PPIE: variants seen among roughly 807,000 people sequenced by gnomAD.
PPIE encodes the protein peptidylprolyl isomerase E, also known as peptidyl-prolyl cis-trans isomerase E.
Under a neutral mutation model 38.4 loss-of-function variants are expected in PPIE, and 20 were observed. That is an observed-to-expected ratio of 0.52 (90% CI 0.37 to 0.76). The LOEUF is 0.76. PPIE is among the 30% of genes least tolerant of loss of function. The pLI is 0.00. For missense variants in PPIE, 322 were observed against 385.8 expected (o/e 0.83, Z 1.39); for synonymous variants, 142 against 135.7 (o/e 1.05, Z -0.32).
chr1:39,741,344 T>C (rs777272742), intron 2 of PPIE, 22 bp from the exon 3 acceptor site: 1 of 1,612,576 alleles, frequency 6.2e-7, no homozygotes, highest in Admixed American at 1.7e-5. Flanking sequence ...TAATTACTTG[T>C]TTTTGTTTTT....
intron 7 of PPIE, chr1:39,747,946 T>C (rs1647307814): frequency 6.6e-6 from 1 of 152,212 alleles, no homozygotes; most frequent in Non-Finnish European, 1.5e-5. Flanking sequence ...TTTTGTTTTT[T>C]TTAAGAGACA....
chr1:39,752,176 G>C (rs1277554740), intron 8 of PPIE, among the ~76,000 whole-genome samples: 4 of 152,156 alleles, frequency 2.6e-5, no homozygotes, highest in Non-Finnish European at 5.9e-5. Context: ...GCCCTAAGCA[G>C]TCACACCCGG....
rs149451835 is a variant in PPIE, at chr1:39,745,400, G to A, written c.410G>A (p.Arg137His). The stretch of plus-strand genomic sequence containing the variant: ...GGAGAGCCCATTGCTAAAAAGGCCC[G>A]CTCAAATCCTCAGGTGTACATGGAC... ...QEGEPIAKKARSNPQVYMDIK... is the reference protein window; with the variant it reads ...QEGEPIAKKAHSNPQVYMDIK... The change falls in exon 7 of 10, where the codon CGC becomes CAC. Residue 137 changes from arginine (R) to histidine (H), a missense_variant. By Grantham distance (29) the Arg-to-His change is conservative. Coordinates refer to ENST00000324379, the MANE Select transcript of PPIE (RefSeq NM_006112.4). 1.6e-4 allele frequency: 254 copies of A among 1,614,078 alleles called. No individual in the cohort carries two copies. The highest frequency in any genetic ancestry group is 1.2e-3 in the Middle Eastern group (7 of 6,078).
intron 1 of PPIE, 104 bp from the exon 2 acceptor site, chr1:39,740,061 G>T: frequency 1.3e-6 from 1 of 785,840 alleles, no homozygotes; most frequent in South Asian, 1.7e-5. Context: ...CCAAAGAACT[G>T]AATGGAAGGG....
intron 7 of PPIE, 65 bp downstream of exon 7, chr1:39,745,563 T>G (rs1569661346): frequency 5.0e-6 from 8 of 1,607,274 alleles, no homozygotes; most frequent in Admixed American, 1.7e-5. Flanking sequence ...CTTTCCCAGG[T>G]TCTTACTGCT....
rs925307573 is a variant in PPIE, at chr1:39,755,254, A to T, written c.*1899A>T. On this transcript the variant is annotated 3_prime_UTR_variant, in exon 10 of 10. Coordinates refer to ENST00000324379, the MANE Select transcript of PPIE (RefSeq NM_006112.4). Reference sequence around the variant, plus strand: ...AGAATCCACTGAGCTGAGCTTTTGCATCTTGGATTGAGATCTGGATGAGCC... The same window carrying T: ...AGAATCCACTGAGCTGAGCTTTTGCTTCTTGGATTGAGATCTGGATGAGCC... 2.1e-5 allele frequency: 21 copies of T among 985,312 alleles called. No individual in the cohort carries two copies. Among genetic ancestry groups the T allele is most frequent in the Non-Finnish European group, 2.5e-5 (21 of 829,932 alleles). The allele number at this position is 985,312 out of a possible 1,614,324, so 61.0% of individuals were successfully genotyped here.
intron 8 of PPIE, among the ~76,000 whole-genome samples, chr1:39,751,779 T>C (rs1359993971): frequency 6.6e-6 from 1 of 152,066 alleles, no homozygotes; most frequent in Admixed American, 6.6e-5. Flanking sequence ...CCCACAATAT[T>C]TCAGACAGTC....
In PPIE at chr1:39,753,548, G is replaced by A. The variant is rs1647979944; in HGVS notation, c.*193G>A. On this transcript the variant is annotated 3_prime_UTR_variant, in exon 10 of 10. Transcript: ENST00000324379. ...CTGGACTATTCCCAGGCACAGCTGT[G>A]GGCCCAGGAGCCAGCTCAGGTGCTC... 1 of 1,399,200 alleles carries A rather than the reference G, an allele frequency of 7.1e-7. No individual in the cohort carries two copies. Among genetic ancestry groups the A allele is most frequent in the African/African-American group, 1.5e-5 (1 of 68,638 alleles). The allele number at this position is 1,399,200 out of a possible 1,614,324, so 86.7% of individuals were successfully genotyped here. A position where few individuals can be genotyped will look rare whatever the true frequency, so the allele number is the denominator to read the frequency against.
In PPIE at chr1:39,753,479, C is replaced by T. The variant is rs1647973856; in HGVS notation, c.*124C>T. ...AGCAAGCAGCATTTGGGATATGTGC[C>T]CTTCCTCAGGGTCTGCTTGGAGCAG... On this transcript the variant is annotated 3_prime_UTR_variant, in exon 10 of 10. Transcript: ENST00000324379. 1 of 1,492,476 alleles carries T rather than the reference C, an allele frequency of 6.7e-7. No homozygotes were observed. The highest frequency in any genetic ancestry group is 8.9e-7 in the Non-Finnish European group (1 of 1,122,260). 92.5% of individuals were successfully genotyped at this position (1,492,476 alleles called of 1,614,324 possible). A position where few individuals can be genotyped will look rare whatever the true frequency, so the allele number is the denominator to read the frequency against.
chr1:39,760,284 G>A, downstream of PPIE: 1 of 1,371,152 alleles, frequency 7.3e-7, no homozygotes, highest in Admixed American at 2.2e-5. Context: ...AAGGAGAAAG[G>A]GTCATGTACG....
At position 39,756,470 on chromosome 1, in the gene PPIE, C is replaced by G; in HGVS notation, c.*3115C>G. The G allele has an allele frequency of 6.1e-6, 6 of 985,454 alleles. No individual in the cohort carries two copies. Among genetic ancestry groups the G allele is most frequent in the Non-Finnish European group, 7.2e-6 (6 of 829,930 alleles). The allele number at this position is 985,454 out of a possible 1,614,324, so 61.0% of individuals were successfully genotyped here. ...GGCAGGCCCAGGATCAGTGCTGTGG[C>G]TGTTGGAGTGTCCTCTCCAACAGCA... On this transcript the variant is annotated 3_prime_UTR_variant, in exon 10 of 10. Coordinates refer to ENST00000324379, the MANE Select transcript of PPIE (RefSeq NM_006112.4).
chr1:39,745,514 T>C lies in PPIE; in HGVS notation c.508+16T>C. 1.2e-6 allele frequency: 2 copies of C among 1,614,202 alleles called. No individual in the cohort carries two copies. Among genetic ancestry groups the C allele is most frequent in the Non-Finnish European group, 1.7e-6 (2 of 1,180,018 alleles). ...ATGACAGCAGGTGAGCAGGACGCTG[T>C]GGTCAGAACGGCGGGACGCTGGTGG... On this transcript the variant is annotated intron_variant, in intron 7 of 9. Coordinates refer to ENST00000324379, the MANE Select transcript of PPIE (RefSeq NM_006112.4).
intron 8 of PPIE, 131 bp from the exon 9 acceptor site, chr1:39,752,779 G>A (rs1350243051): frequency 2.6e-5 from 27 of 1,020,858 alleles, no homozygotes; most frequent in Middle Eastern, 5.0e-4. Flanking sequence ...TAAGGTGGCC[G>A]CATTTGCATG....
At chr1:39,745,257 C>G in intron 6 of PPIE, 118 bp from the exon 7 acceptor site, 1 of 1,387,086 alleles carries the variant, frequency 7.2e-7, no homozygotes. Flanking sequence ...CCTTCCCCGT[C>G]AGCACTTGCT....
In PPIE at chr1:39,756,045, C is replaced by A; in HGVS notation, c.*2690C>A. On this transcript the variant is annotated 3_prime_UTR_variant, in exon 10 of 10. Coordinates refer to ENST00000324379, the MANE Select transcript of PPIE (RefSeq NM_006112.4). The stretch of plus-strand genomic sequence containing the variant: ...TGGCCAGGACCTGTGTGGAGAGACA[C>A]AGGAGACAAGACCCTGCTCTTCCAG... 2 of 985,376 alleles carry A rather than the reference C, an allele frequency of 2.0e-6. No homozygotes were observed. The highest frequency in any genetic ancestry group is 9.4e-5 in the South Asian group (2 of 21,288). The allele number at this position is 985,376 out of a possible 1,614,324, so 61.0% of individuals were successfully genotyped here.
chr1:39,749,013 A>G lies in PPIE; in HGVS notation c.619A>G (p.Asn207Asp). Reference sequence around the variant, plus strand: ...CCAGGGCGGTGATTTCACAAACCACAATGGCACTGGGGGCAAGTCCATCTA... The same window carrying G: ...CCAGGGCGGTGATTTCACAAACCACGATGGCACTGGGGGCAAGTCCATCTA... ...MCQGGDFTNH[N>D]GTGGKSIYGK... The change falls in exon 8 of 10, where the codon AAT (asparagine) becomes GAT (aspartate). Residue 207 changes from asparagine to aspartate, a missense_variant. Coordinates refer to ENST00000324379, the MANE Select transcript of PPIE (RefSeq NM_006112.4). 3.7e-6 allele frequency: 6 copies of G among 1,612,548 alleles called. No individual in the cohort carries two copies. Among genetic ancestry groups the G allele is most frequent in the Non-Finnish European group, 5.1e-6 (6 of 1,179,644 alleles).
intron 4 of PPIE, chr1:39,742,142 T>A: frequency 1.8e-6 from 1 of 541,358 alleles, no homozygotes. Flanking sequence ...TCATCCTTGT[T>A]GACCAGTCTC....
In PPIE at chr1:39,748,988, C is replaced by T. The variant is rs1647408146; in HGVS notation, c.594C>T (p.Cys198=). ...SFHRIIPQFM[C]QGGDFTNHNG... ...ACCGCATCATCCCCCAGTTCATGTG[C>T]CAGGGCGGTGATTTCACAAACCACA... The change falls in exon 8 of 10, where the codon TGC becomes TGT. Residue 198 remains cysteine, a synonymous_variant. Coordinates refer to ENST00000324379, the MANE Select transcript of PPIE (RefSeq NM_006112.4). 1 of 1,613,894 alleles carries T rather than the reference C, an allele frequency of 6.2e-7. No individual in the cohort carries two copies. The highest frequency in any genetic ancestry group is 1.7e-5 in the Admixed American group (1 of 59,988).
rs1647023815 is a variant in PPIE at position 39,740,216 on chromosome 1, CT to C, written c.87del (p.Phe29LeufsTer39). On this transcript the variant is annotated frameshift_variant, in exon 2 of 10. Transcript: ENST00000324379. LOFTEE classifies it high-confidence loss of function. Reference protein sequence around the residue: ...DDKVLHAAFIPFGDITDIQIP... With the variant: ...DDKVLHAAFIXFGDITDIQIP... ...AAAGTTCTTCATGCTGCGTTCATTC[CT>C]TTTGGAGACATCACAGATATTCAGA... The C allele has an allele frequency of 1.2e-6, 2 of 1,614,034 alleles. No homozygotes were observed.
Sources: allele counts gnomAD v4.1 joint callset (sites outside exome capture counted in the v4.1 genomes callset), GRCh38; gene constraint gnomAD v4.1.1; transcripts MANE v1.5; gene names NCBI Gene and HGNC (gene_info 2026-07-23, HGNC 2026-07-21).